Variants in RYR2 observed in about 807,000 individuals in gnomAD.
The protein encoded by RYR2 is cardiac muscle ryanodine receptor-calcium release channel.
RYR2 carries 227 observed loss-of-function variants against 601.1 expected under a neutral mutation model. The observed-to-expected ratio is 0.38, with a 90% CI of 0.34 to 0.42. RYR2 has a LOEUF of 0.42. Ranked by LOEUF, RYR2 falls within the 10% of genes least tolerant of loss-of-function variation. The pLI, the probability that RYR2 is intolerant of heterozygous loss-of-function variation, is 1.00. For synonymous variants in RYR2, 2,223 were observed against 2,175.1 expected, an observed-to-expected ratio of 1.02 and a Z score of -0.61; for missense variants, 4,646 against 6,156.5, an observed-to-expected ratio of 0.75 and a Z score of 8.21.
chr1:237,604,390 A>G (rs886462715), intron 35 of RYR2, among the ~76,000 whole-genome samples: 17 of 152,212 alleles, frequency 1.1e-4, no homozygotes, highest in African/African-American at 3.6e-4. Flanking sequence ...CAAAGACACA[A>G]CATACCAGAA....
chr1:237,129,480 C>T (rs1475951751), intron 1 of RYR2, among the ~76,000 whole-genome samples: 1 of 152,090 alleles, frequency 6.6e-6, no homozygotes, highest in Non-Finnish European at 1.5e-5. Flanking sequence ...TGGAGATGTA[C>T]ACTTAGTCTA....
In RYR2 at chr1:237,772,115, A is replaced by G; in HGVS notation, c.11646+15A>G. On this transcript the variant is annotated intron_variant, in intron 86 of 104. Coordinates refer to ENST00000366574, the MANE Select transcript of RYR2 (RefSeq NM_001035.3). Reference sequence around the variant, plus strand: ...TGAGAGTTCAGGTATGTTGCTTTCCATATTAGTAACAAATTAAAAGGGTTG... The same window carrying G: ...TGAGAGTTCAGGTATGTTGCTTTCCGTATTAGTAACAAATTAAAAGGGTTG... 2 of 1,344,952 alleles carry G rather than the reference A, an allele frequency of 1.5e-6. No homozygotes were observed. Among genetic ancestry groups the G allele is most frequent in the Non-Finnish European group, 1.0e-6 (1 of 959,514 alleles). 83.3% of individuals were successfully genotyped at this position (1,344,952 alleles called of 1,614,324 possible). A position where few individuals can be genotyped will look rare whatever the true frequency, so the allele number is the denominator to read the frequency against.
In RYR2 at chr1:237,660,891, G is replaced by A; in HGVS notation, c.8380G>A (p.Glu2794Lys). 2 of 1,537,230 alleles carry A rather than the reference G, an allele frequency of 1.3e-6. No individual in the cohort carries two copies. The highest frequency in any genetic ancestry group is 1.8e-6 in the Non-Finnish European group (2 of 1,138,690). ...AWGWRIERTR[E>K]GDSMALYNRT... ...GGGCTGGAGAATTGAAAGAACTCGG[G>A]AGGGAGACAGCATGGCCCTTTACAA... The change falls in exon 56 of 105, where the codon GAG becomes AAG. Residue 2794 changes from glutamate (E) to lysine (K), a missense_variant. Physicochemically the swap from Glu to Lys is moderately conservative, Grantham distance 56. This residue lies in a region of RYR2 where 1,497 missense variants were observed against 1,842.6 expected (regional missense o/e 0.81). Coordinates refer to ENST00000366574, the MANE Select transcript of RYR2 (RefSeq NM_001035.3).
intron 4 of RYR2, among the ~76,000 whole-genome samples, chr1:237,358,878 C>T (rs1699533712): frequency 6.6e-6 from 1 of 152,086 alleles, no homozygotes; most frequent in Non-Finnish European, 1.5e-5. Flanking sequence ...ATTCCAGGCC[C>T]ACCTGCACTT....
intron 1 of RYR2, among the ~76,000 whole-genome samples, chr1:237,159,927 CA>C (rs937040241): frequency 6.6e-6 from 1 of 152,152 alleles, no homozygotes; most frequent in Non-Finnish European, 1.5e-5. Context: ...AATTTTGTGC[CA>C]CCTTATAGTA....
At chr1:237,555,966 C>T (rs1388888188) in intron 27 of RYR2, among the ~76,000 whole-genome samples, 1 of 152,056 alleles carries the variant, frequency 6.6e-6, no homozygotes, top group Non-Finnish European at 1.5e-5. Context: ...CACTTAAGGG[C>T]ATAAACTATA....
intron 45 of RYR2, among the ~76,000 whole-genome samples, chr1:237,638,772 C>A (rs1304056865): frequency 6.6e-6 from 1 of 152,042 alleles, no homozygotes; most frequent in Non-Finnish European, 1.5e-5. Flanking sequence ...ATAATAATAA[C>A]AAGTTAGTGA....
At position 237,551,510 on chromosome 1, in the gene RYR2, G is replaced by A. The variant is rs528762896; in HGVS notation, c.3214+819G>A. ...GGCGCCACTGCACTCCAGCCTGGGTGACAGAGCAAGACTCCGTCTCAAAAA... is the reference window on the plus strand; with the variant it reads ...GGCGCCACTGCACTCCAGCCTGGGTAACAGAGCAAGACTCCGTCTCAAAAA... On this transcript the variant is annotated intron_variant, in intron 27 of 104. Transcript: ENST00000366574. 4.8e-3 allele frequency among the ~76,000 whole-genome samples: 544 copies of A among 114,060 alleles called. 3 individuals carry two copies. The highest frequency in any genetic ancestry group is 0.017 in the African/African-American group (517 of 30,350). 74.8% of individuals were successfully genotyped at this position (114,060 alleles called of 152,430 possible).
At chr1:237,168,314 C>A (rs901584092) in intron 1 of RYR2, among the ~76,000 whole-genome samples, 1 of 150,222 alleles carries the variant, frequency 6.7e-6, no homozygotes, top group Non-Finnish European at 1.5e-5. Flanking sequence ...GCAGGGGGTG[C>A]TGGGTTGGGG....
At chr1:237,531,123 T>C (rs1349200728) in intron 25 of RYR2, among the ~76,000 whole-genome samples, 1 of 152,238 alleles carries the variant, frequency 6.6e-6, no homozygotes, top group Non-Finnish European at 1.5e-5. Context: ...TGATTACATA[T>C]AGCTTTCTAC....
At chr1:237,338,781 TC>T (rs1697484619) in intron 3 of RYR2, among the ~76,000 whole-genome samples, 1 of 152,198 alleles carries the variant, frequency 6.6e-6, no homozygotes, top group African/African-American at 2.4e-5. Flanking sequence ...GGCAGATAGA[TC>T]AAGGATCAAA....
At chr1:237,058,183 G>T (rs1662404733) in intron 1 of RYR2, among the ~76,000 whole-genome samples, 1 of 152,138 alleles carries the variant, frequency 6.6e-6, no homozygotes, top group Non-Finnish European at 1.5e-5. Flanking sequence ...TAAGCAAATA[G>T]TCAGTCTAGG....
chr1:237,064,586 A>G (rs985535905), intron 1 of RYR2, among the ~76,000 whole-genome samples: 2 of 152,128 alleles, frequency 1.3e-5, no homozygotes, highest in Non-Finnish European at 1.5e-5. Context: ...TCCACAAAAC[A>G]TTAATTTTAT....
In RYR2 at chr1:237,258,945, G is replaced by C. The variant is rs530203579; in HGVS notation, c.49-11552G>C. On this transcript the variant is annotated intron_variant, in intron 1 of 104. Coordinates refer to ENST00000366574, the MANE Select transcript of RYR2 (RefSeq NM_001035.3). ...ATTGATGAAAGTTTATATATTCAGA[G>C]CAACATTCTGCCTTCTGCCTTCTGC... Among the ~76,000 whole-genome samples the C allele has an allele frequency of 2.0e-5, 3 of 152,022 alleles. No homozygotes were observed. The South Asian group carries it at 6.3e-4, about 32-fold the overall frequency.
At chr1:237,273,953 T>G (rs954163622) in intron 2 of RYR2, among the ~76,000 whole-genome samples, 73 of 146,500 alleles carry the variant, frequency 5.0e-4, no homozygotes, top group African/African-American at 1.7e-3. Context: ...TTATATTATA[T>G]AACGCATATA....
intron 17 of RYR2, among the ~76,000 whole-genome samples, chr1:237,481,721 C>G (rs1057391159): frequency 1.3e-5 from 2 of 151,104 alleles, no homozygotes; most frequent in South Asian, 2.1e-4. Flanking sequence ...TTTACAGAAC[C>G]CTCTCAGATG....
chr1:237,727,563 G>C (rs1039597493), intron 76 of RYR2, among the ~76,000 whole-genome samples: 1 of 152,002 alleles, frequency 6.6e-6, no homozygotes, highest in Non-Finnish European at 1.5e-5. Context: ...CCATGACATT[G>C]GTCAAGTTAT....
At chr1:237,350,230 T>G (rs1324224280) in intron 3 of RYR2, among the ~76,000 whole-genome samples, 1 of 151,794 alleles carries the variant, frequency 6.6e-6, no homozygotes, top group Admixed American at 6.6e-5. Context: ...GATGGTAAAG[T>G]TGTATGTGTG....
chr1:237,561,892 A>C (rs559912753), intron 27 of RYR2, among the ~76,000 whole-genome samples: 31 of 152,284 alleles, frequency 2.0e-4, no homozygotes, highest in African/African-American at 7.2e-4. Context: ...GATGGTGGGA[A>C]TAAAAATTAA....
Sources: gnomAD v4.1 joint callset for allele counts (sites outside exome capture counted in the v4.1 genomes callset) on GRCh38, gnomAD v4.1.1 for gene constraint, gnomAD v4.1.1 regional missense constraint, MANE v1.5 for transcripts, NCBI Gene and HGNC (gene_info 2026-07-23, HGNC 2026-07-21) for gene names.